Variants in CADPS observed in about 807,000 individuals in gnomAD.
CADPS encodes calcium dependent secretion activator, also known as calcium-dependent secretion activator 1.
In CADPS, 57 loss-of-function variants were observed where a neutral mutation model predicts 167.3. The ratio of observed to expected loss-of-function variants is 0.34; its 90% CI spans 0.28 to 0.42. The LOEUF is 0.42. CADPS is among the 20% of genes least tolerant of loss of function. The pLI is 1.00. For synonymous variants in CADPS, 676 were observed against 635.3 expected (o/e 1.06, Z -0.96); for missense variants, 1,414 against 1,738.1 (o/e 0.81, Z 3.32).
At chr3:62,763,015 T>C (rs553073610) in intron 2 of CADPS, among the ~76,000 whole-genome samples, 4 of 152,180 alleles carry the variant, frequency 2.6e-5, no homozygotes, top group Non-Finnish European at 5.9e-5. Flanking sequence ...TGGTTTTGTC[T>C]GCTGAGCATA....
chr3:62,604,817 T>C (rs1419123578), intron 6 of CADPS, among the ~76,000 whole-genome samples: 1 of 152,232 alleles, frequency 6.6e-6, no homozygotes, highest in Non-Finnish European at 1.5e-5. Flanking sequence ...TGTTTATTCT[T>C]AGTTCCTGAG....
At position 62,875,084 on chromosome 3, in the gene CADPS, G is replaced by A; in HGVS notation, c.-55C>T. On this transcript the variant is annotated 5_prime_UTR_variant, in exon 1 of 30. Transcript: ENST00000383710. ...GCCCCCGGCTTGGAGTGCAAAAGGT[G>A]GGGGGCGCTGGAGGCAGCCGGGGAT... is the stretch of plus-strand genomic sequence containing the variant. The A allele has an allele frequency of 2.0e-6, 3 of 1,509,390 alleles. No homozygotes were observed. The highest frequency in any genetic ancestry group is 8.9e-7 in the Non-Finnish European group (1 of 1,122,730). 93.5% of individuals were successfully genotyped at this position (1,509,390 alleles called of 1,614,324 possible).
At chr3:62,454,155 A>G (rs2058408637) in intron 26 of CADPS, among the ~76,000 whole-genome samples, 1 of 152,208 alleles carries the variant, frequency 6.6e-6, no homozygotes, top group Non-Finnish European at 1.5e-5. Flanking sequence ...AAATGGAACC[A>G]TTTCAGATAA....
chr3:62,434,736 T>A (rs1208338697), intron 28 of CADPS, among the ~76,000 whole-genome samples: 1 of 152,158 alleles, frequency 6.6e-6, no homozygotes, highest in Non-Finnish European at 1.5e-5. Flanking sequence ...AGGGGCCTAG[T>A]TAAAGCAGAA....
At chr3:62,509,146 T>C (rs2067237469) in intron 17 of CADPS, among the ~76,000 whole-genome samples, 1 of 151,766 alleles carries the variant, frequency 6.6e-6, no homozygotes, top group East Asian at 1.9e-4. Flanking sequence ...CTACTAAAAA[T>C]ACAAAAAATT....
intron 3 of CADPS, among the ~76,000 whole-genome samples, chr3:62,680,897 C>A (rs1010485278): frequency 2.0e-5 from 3 of 151,932 alleles, no homozygotes; most frequent in Non-Finnish European, 1.5e-5. Context: ...GGTTCTGAAA[C>A]CATGTGGATT....
At chr3:62,508,699 G>A (rs1417519517) in intron 17 of CADPS, among the ~76,000 whole-genome samples, 2 of 152,036 alleles carry the variant, frequency 1.3e-5, no homozygotes, top group Non-Finnish European at 2.9e-5. Flanking sequence ...TATCTCACAG[G>A]GTCATGGTGA....
chr3:62,724,717 C>G (rs1277382691), intron 3 of CADPS, among the ~76,000 whole-genome samples: 1 of 152,166 alleles, frequency 6.6e-6, no homozygotes, highest in East Asian at 1.9e-4. Context: ...AGCCCAAGGG[C>G]CCACACATGA....
chr3:62,677,305 A>G (rs993402969), intron 3 of CADPS, among the ~76,000 whole-genome samples: 4 of 152,054 alleles, frequency 2.6e-5, no homozygotes, highest in Non-Finnish European at 4.4e-5. Context: ...AACAACAACA[A>G]CAGCAAAAAA....
Position 62,874,811 on chromosome 3 carries a change from GCCGCCGCTGCTCGCGCCGCTGCCC to G in CADPS, c.195_218del (p.Ser67_Gly74del), listed in dbSNP as rs1455700380. The G allele has an allele frequency of 3.6e-6, 4 of 1,126,646 alleles. No homozygotes were observed. The East Asian group carries it at 1.6e-4, about 46-fold the overall frequency. 69.8% of individuals were successfully genotyped at this position (1,126,646 alleles called of 1,614,324 possible). The stretch of plus-strand genomic sequence containing the variant: ...TGCTGGGTTGCAGCCCCCCGGCCCC[GCCGCCGCTGCTCGCGCCGCTGCCC>G]CCGCCGCCGCCTGCACCCACCCCGG... On this transcript the variant is annotated inframe_deletion, in exon 1 of 30. Coordinates refer to ENST00000383710, the MANE Select transcript of CADPS (RefSeq NM_003716.4). This position sits in a 1 kb window ranked among gnomAD's most constrained non-coding sequence, Gnocchi z 7.1.
In CADPS at chr3:62,536,443, G is replaced by T. The variant is rs754788670; in HGVS notation, c.2103+2C>A. ...TTGCTGTAGACCAAAGAATATACTT[G>T]CCAGGCAAGAATAGGAATCATTAAG... On this transcript the variant is annotated splice_donor_variant, in intron 12 of 29. Transcript: ENST00000383710. LOFTEE classifies it high-confidence loss of function. The T allele has an allele frequency of 6.2e-7, 1 of 1,612,112 alleles. No homozygotes were observed. The highest frequency in any genetic ancestry group is 8.5e-7 in the Non-Finnish European group (1 of 1,178,652).
At chr3:62,871,787 T>C (rs961018498) in intron 1 of CADPS, among the ~76,000 whole-genome samples, 1 of 152,206 alleles carries the variant, frequency 6.6e-6, no homozygotes, top group Non-Finnish European at 1.5e-5. Context: ...TATTAGTTCA[T>C]TGTAACCCAT....
At chr3:62,849,540 G>A (rs1433945165) in intron 1 of CADPS, among the ~76,000 whole-genome samples, 1 of 122,842 alleles carries the variant, frequency 8.1e-6, no homozygotes. Context: ...ATAATCATGT[G>A]GTTTTTGTCT....
chr3:62,667,988 C>T (rs1252210157), intron 3 of CADPS, among the ~76,000 whole-genome samples: 2 of 152,120 alleles, frequency 1.3e-5, no homozygotes, highest in South Asian at 2.1e-4. Context: ...GCCTGGGAGA[C>T]ACCCTTGGGT....
At chr3:62,788,906 G>A (rs1410819039) in intron 1 of CADPS, among the ~76,000 whole-genome samples, 3 of 152,234 alleles carry the variant, frequency 2.0e-5, no homozygotes, top group East Asian at 1.9e-4. Flanking sequence ...CCTGTGACTC[G>A]TCTTAAGTAG....
intron 1 of CADPS, among the ~76,000 whole-genome samples, chr3:62,787,597 G>C (rs1359688723): frequency 6.6e-6 from 1 of 152,088 alleles, no homozygotes; most frequent in Non-Finnish European, 1.5e-5. Flanking sequence ...GTACAAAGAA[G>C]AGGGTATCCT....
intron 1 of CADPS, among the ~76,000 whole-genome samples, chr3:62,820,801 T>G (rs527578355): frequency 1.8e-4 from 27 of 150,988 alleles, no homozygotes; most frequent in Admixed American, 4.6e-4. Context: ...TTTGGTTTTT[T>G]TTTTTTTTCT....
chr3:62,804,311 G>T (rs1300302111), intron 1 of CADPS, among the ~76,000 whole-genome samples: 2 of 152,076 alleles, frequency 1.3e-5, no homozygotes, highest in African/African-American at 4.8e-5. Flanking sequence ...AACACATAGT[G>T]AGGACTCAGA....
chr3:62,638,576 A>C (rs1023168482), intron 6 of CADPS, among the ~76,000 whole-genome samples: 2 of 152,174 alleles, frequency 1.3e-5, no homozygotes, highest in Admixed American at 1.3e-4. Flanking sequence ...TTTTAAAAAG[A>C]GTACAGCCTT....
Sources: allele counts gnomAD v4.1 joint callset (sites outside exome capture counted in the v4.1 genomes callset), GRCh38; gene constraint gnomAD v4.1.1; non-coding constraint Gnocchi (gnomAD v3.1); transcripts MANE v1.5; gene names NCBI Gene and HGNC (gene_info 2026-07-23, HGNC 2026-07-21).